The following NRP2 variants were observed in gnomAD, a reference collection of about 807,000 sequenced individuals.
NRP2 encodes neuropilin 2.
Under a neutral mutation model 110.4 loss-of-function variants are expected in NRP2, and 52 were observed. That is an observed-to-expected ratio of 0.47 (90% confidence interval 0.38 to 0.59). The LOEUF is 0.59. NRP2 is among the 20% of genes least tolerant of loss of function. The probability of loss-of-function intolerance (pLI) is 0.00; values close to 1 mark genes in which losing one functional copy is unlikely to be tolerated. For missense variants in NRP2, 1,049 were observed against 1,203.0 expected (o/e 0.87, Z 1.89); for synonymous variants, 508 against 468.9 (o/e 1.08, Z -1.08).
chr2:205,741,947 A>G (rs2057448925), intron 8 of NRP2, among the ~76,000 whole-genome samples: 1 of 152,198 alleles, frequency 6.6e-6, no homozygotes, highest in African/African-American at 2.4e-5. Flanking sequence ...CAGGATCTGA[A>G]CCCACGTTTT....
intron 1 of NRP2, among the ~76,000 whole-genome samples, chr2:205,695,471 G>A (rs1156496276): frequency 6.6e-6 from 1 of 152,104 alleles, no homozygotes; most frequent in Admixed American, 6.5e-5. Context: ...AAGAGTAATT[G>A]GAGAGAAGTA....
intron 15 of NRP2, among the ~76,000 whole-genome samples, chr2:205,790,352 C>T (rs182455703): frequency 6.6e-6 from 1 of 152,282 alleles, no homozygotes; most frequent in East Asian, 1.9e-4. Flanking sequence ...CCACATTCAC[C>T]CCTTTCCAGC....
chr2:205,768,063 C>G (rs1305864143), intron 15 of NRP2: 1 of 152,278 alleles, frequency 6.6e-6, no homozygotes, highest in African/African-American at 2.4e-5. Flanking sequence ...AGCTCTAAGA[C>G]AGCCAGTGAG....
chr2:205,707,290 G>A (rs907386906), intron 2 of NRP2, among the ~76,000 whole-genome samples: 1 of 152,272 alleles, frequency 6.6e-6, no homozygotes, highest in African/African-American at 2.4e-5. Flanking sequence ...AAACGGAAGC[G>A]GTTCCAGCTG....
At chr2:205,703,347 G>C (rs2056602593) in intron 2 of NRP2, among the ~76,000 whole-genome samples, 1 of 152,214 alleles carries the variant, frequency 6.6e-6, no homozygotes, top group Non-Finnish European at 1.5e-5. Context: ...CCTACTATGT[G>C]CTAAGCACGT....
At chr2:205,723,565 G>A (rs949184394) in intron 4 of NRP2, among the ~76,000 whole-genome samples, 2 of 152,230 alleles carry the variant, frequency 1.3e-5, no homozygotes, top group Non-Finnish European at 2.9e-5. Flanking sequence ...AATGAAGCCA[G>A]TGAAAGTGGC....
intron 8 of NRP2, among the ~76,000 whole-genome samples, chr2:205,741,683 T>A (rs1020442353): frequency 1.3e-5 from 2 of 152,208 alleles, no homozygotes; most frequent in African/African-American, 4.8e-5. Context: ...TGTACATCCA[T>A]CCACGTGCCT....
At chr2:205,693,226 GC>G (rs1343477163) in intron 1 of NRP2, among the ~76,000 whole-genome samples, 1 of 152,198 alleles carries the variant, frequency 6.6e-6, no homozygotes, top group African/African-American at 2.4e-5. Context: ...GAGACCGATT[GC>G]TTTTCTCCAC....
At chr2:205,793,030 G>A (rs1460658825) in intron 16 of NRP2, among the ~76,000 whole-genome samples, 1 of 152,186 alleles carries the variant, frequency 6.6e-6, no homozygotes, top group Non-Finnish European at 1.5e-5. Flanking sequence ...TAGAGCAGCT[G>A]CTTTTAACCT....
chr2:205,776,188 CTT>C, intron 15 of NRP2: 1 of 1,498,290 alleles, frequency 6.7e-7, no homozygotes, highest in Non-Finnish European at 9.2e-7. Flanking sequence ...TTAAATTAGT[CTT>C]TTGATTAGTC....
intron 2 of NRP2, among the ~76,000 whole-genome samples, chr2:205,712,391 T>A (rs919552262): frequency 6.6e-6 from 1 of 152,178 alleles, no homozygotes; most frequent in Admixed American, 6.5e-5. Flanking sequence ...GAGTGATACG[T>A]TCTAAGAGGA....
At chr2:205,721,648 C>T (rs1371272160) in intron 3 of NRP2, among the ~76,000 whole-genome samples, 1 of 152,142 alleles carries the variant, frequency 6.6e-6, no homozygotes, top group Non-Finnish European at 1.5e-5. Context: ...GAATGTGTGC[C>T]GCATTTAATC....
intron 12 of NRP2, among the ~76,000 whole-genome samples, chr2:205,757,089 C>G (rs1239607840): frequency 6.6e-6 from 1 of 152,066 alleles, no homozygotes; most frequent in African/African-American, 2.4e-5. Flanking sequence ...GTGGGTTGGC[C>G]TTGTGAAATC....
chr2:205,759,054 G>T (rs77736182), intron 12 of NRP2, among the ~76,000 whole-genome samples: 5,326 of 152,220 alleles, frequency 0.035, 304 homozygotes, highest in African/African-American at 0.12. Flanking sequence ...GTTGCAGCAC[G>T]TGTTTGATCT....
chr2:205,716,170 T>A (rs1360690415), intron 2 of NRP2, 23 bp from the exon 3 acceptor site: 1 of 1,613,772 alleles, frequency 6.2e-7, no homozygotes, highest in African/African-American at 1.3e-5. Flanking sequence ...TGATCTTTTC[T>A]TGTCTGTGCC....
intron 15 of NRP2, chr2:205,776,766 A>G: frequency 7.0e-7 from 1 of 1,420,006 alleles, no homozygotes; most frequent in Non-Finnish European, 9.2e-7. Context: ...CTAATGCTGC[A>G]TCTTGGACTA....
chr2:205,793,771 G>A, intron 16 of NRP2, among the ~76,000 whole-genome samples: 1 of 152,134 alleles, frequency 6.6e-6, no homozygotes, highest in Non-Finnish European at 1.5e-5. Flanking sequence ...ATCTGTAAAG[G>A]CCTTATCTCC....
At position 205,763,775 on chromosome 2, in the gene NRP2, A is replaced by C. The variant is rs768667098; in HGVS notation, c.2146A>C (p.Met716Leu). 6.2e-7 allele frequency: 1 copy of C among 1,614,178 alleles called. No individual in the cohort carries two copies. Among genetic ancestry groups the C allele is most frequent in the Admixed American group, 1.7e-5 (1 of 60,030 alleles). The change falls in exon 13 of 17, where the codon ATG (methionine) becomes CTG (leucine). Residue 716 changes from methionine (M) to leucine (L), a missense_variant. By Grantham distance (15) the Met-to-Leu change is conservative. Coordinates refer to ENST00000357785, the MANE Select transcript of NRP2 (RefSeq NM_003872.3). This position sits in a 1 kb window ranked among gnomAD's most constrained non-coding sequence, Gnocchi z 4.0. Reference protein sequence around the residue: ...PVHLPRSPVCMEFQYQATGGR... With the variant: ...PVHLPRSPVCLEFQYQATGGR... ...CCACCTGCCCCGAAGCCCGGTGTGC[A>C]TGGAGTTCCAGTACCAGGCCACGGG...
At chr2:205,693,821 G>A (rs1056177385) in intron 1 of NRP2, among the ~76,000 whole-genome samples, 2 of 152,190 alleles carry the variant, frequency 1.3e-5, no homozygotes, top group African/African-American at 4.8e-5. Context: ...TTCAACTAAA[G>A]CGAGGGATCT....
Sources: allele counts gnomAD v4.1 joint callset (sites outside exome capture counted in the v4.1 genomes callset), GRCh38; gene constraint gnomAD v4.1.1; non-coding constraint Gnocchi (gnomAD v3.1); transcripts MANE v1.5; gene names NCBI Gene and HGNC (gene_info 2026-07-23, HGNC 2026-07-21).